BTF3: variants seen among roughly 807,000 people sequenced by gnomAD.
The protein encoded by BTF3 is basic transcription factor 3, also known as transcription factor BTF3.
A neutral mutation model predicts 23.9 loss-of-function variants in BTF3; 12 were observed. The observed-to-expected ratio is 0.50, with a 90% CI of 0.32 to 0.81. The LOEUF (loss-of-function observed/expected upper bound fraction) is 0.81, where lower values mean the gene tolerates loss of function less well. BTF3 is among the 40% of genes least tolerant of loss of function. The pLI, the probability that BTF3 is intolerant of heterozygous loss-of-function variation, is 0.03. For missense variants in BTF3, 215 were observed against 255.9 expected, an observed-to-expected ratio of 0.84 and a Z score of 1.09; for synonymous variants, 96 against 94.8, an observed-to-expected ratio of 1.01 and a Z score of -0.07.
chr5:73,505,265 C>G lies in BTF3; in HGVS notation c.*27C>G, dbSNP rs1746530076. On this transcript the variant is annotated 3_prime_UTR_variant, in exon 6 of 6. Transcript: ENST00000380591. ...TTGAGTCAACTTCTGAAGATAAAAC[C>G]TGAAGAAGTTACTGGGAGCTGCTAT... 3 of 1,600,226 alleles carry G rather than the reference C, an allele frequency of 1.9e-6. No homozygotes were observed. The African/African-American group carries it at 4.0e-5, about 22-fold the overall frequency.
chr5:73,504,267 C>CTTTTTTTTTTTTTCTTTTTTT (rs1746505323), intron 4 of BTF3, 80 bp from the exon 5 acceptor site: 1 of 118,606 alleles, frequency 8.4e-6, no homozygotes, highest in African/African-American at 5.9e-5. Context: ...TTCATCTGTT[C>CTTTTTTTTTTTTTCTTTTTTT]TTTTTTTTTT....
intron 4 of BTF3, among the ~76,000 whole-genome samples, chr5:73,503,542 T>G (rs1362470505): frequency 6.6e-6 from 1 of 152,222 alleles, no homozygotes; most frequent in Non-Finnish European, 1.5e-5. Flanking sequence ...TTAATTACAG[T>G]GTGATAGGGA....
chr5:73,502,388 A>C, intron 2 of BTF3, 100 bp from the exon 3 acceptor site: 1 of 856,086 alleles, frequency 1.2e-6, no homozygotes, highest in South Asian at 2.0e-5. Context: ...GTTCTTATAC[A>C]GATCCAAAGG....
At position 73,503,081 on chromosome 5, in the gene BTF3, A is replaced by G. The variant is rs766190108; in HGVS notation, c.481A>G (p.Ser161Gly). ...CCAGCTTGGTGCGGATAGTCTGACT[A>G]GTTTAAGGAGACTGGCCGAAGCTCT... Reference protein sequence around the residue: ...LNQLGADSLTSLRRLAEALPK... With the variant: ...LNQLGADSLTGLRRLAEALPK... The change falls in exon 4 of 6, where the codon AGT (serine) becomes GGT (glycine). Residue 161 changes from serine to glycine, a missense_variant. Physicochemically the swap from Ser to Gly is moderately conservative, Grantham distance 56. Around this residue, in one of 2 missense-constraint regions of BTF3, gnomAD observed 99 missense variants for 171.2 expected, o/e 0.58. Coordinates refer to ENST00000380591, the MANE Select transcript of BTF3 (RefSeq NM_001037637.2). The G allele has an allele frequency of 1.9e-6, 3 of 1,614,042 alleles. No homozygotes were observed. Among genetic ancestry groups the G allele is most frequent in the South Asian group, 2.2e-5 (2 of 91,084 alleles).
rs1439170245 is a variant in BTF3, at chr5:73,505,659, GT to G, written c.*424del. ...AACAAAGGTGGTATAAAGTTCTCAG[GT>G]TTGAAAACTTTGCTCTCCAACAGTC... On this transcript the variant is annotated 3_prime_UTR_variant, in exon 6 of 6. Coordinates refer to ENST00000380591, the MANE Select transcript of BTF3 (RefSeq NM_001037637.2). 1.9e-5 allele frequency: 3 copies of G among 154,944 alleles called. No individual in the cohort carries two copies. Among genetic ancestry groups the G allele is most frequent in the Non-Finnish European group, 4.3e-5 (3 of 70,162 alleles). The allele number at this position is 154,944 out of a possible 1,614,324, so 9.6% of individuals were successfully genotyped here.
chr5:73,498,569 G>A lies in BTF3; in HGVS notation c.-99G>A. 7.1e-7 allele frequency: 1 copy of A among 1,401,962 alleles called. No homozygotes were observed. Among genetic ancestry groups the A allele is most frequent in the Non-Finnish European group, 9.2e-7 (1 of 1,086,124 alleles). 86.8% of individuals were successfully genotyped at this position (1,401,962 alleles called of 1,614,324 possible). On this transcript the variant is annotated 5_prime_UTR_variant, in exon 1 of 6. Coordinates refer to ENST00000380591, the MANE Select transcript of BTF3 (RefSeq NM_001037637.2). ...ATTCGCTCCGACAAGGTACAAAAAG[G>A]CTCTGGACGGCGGCGTGGTAGGAGG...
At chr5:73,501,281 G>A (rs1321462543) in intron 2 of BTF3, among the ~76,000 whole-genome samples, 1 of 152,208 alleles carries the variant, frequency 6.6e-6, no homozygotes, top group Non-Finnish European at 1.5e-5. Context: ...GGACGGTGAG[G>A]TGGTTGGGTG....
chr5:73,502,168 A>AAC (rs1353512531), intron 2 of BTF3, among the ~76,000 whole-genome samples: 3 of 151,950 alleles, frequency 2.0e-5, no homozygotes, highest in African/African-American at 7.3e-5. Flanking sequence ...CAAAAAAAAA[A>AAC]AAAAAAAAAA....
intron 2 of BTF3, among the ~76,000 whole-genome samples, chr5:73,501,009 C>A (rs3797855): frequency 6.6e-6 from 1 of 151,244 alleles, no homozygotes; most frequent in African/African-American, 2.4e-5. Flanking sequence ...ATGTTGGATC[C>A]TGAGAATATA....
rs1157142488 is a variant in BTF3, at chr5:73,505,415, T to A, written c.*177T>A. 6.0e-5 allele frequency: 31 copies of A among 514,954 alleles called. No homozygotes were observed. The Admixed American group carries it at 1.2e-3, about 19-fold the overall frequency. The allele number at this position is 514,954 out of a possible 1,614,324, so 31.9% of individuals were successfully genotyped here. ...CTTTTCAGTTTTTGCTTATACACAA[T>A]TCATTCTTTGCAGCTAATTAAGCCG... is the stretch of plus-strand genomic sequence containing the variant. On this transcript the variant is annotated 3_prime_UTR_variant, in exon 6 of 6. Transcript: ENST00000380591.
At position 73,504,348 on chromosome 5, in the gene BTF3, T is replaced by C; in HGVS notation, c.519T>C (p.Ser173=). Residue 173 remains serine (S), a splice_region_variant and synonymous_variant, in exon 5 of 6, where the codon TCT becomes TCC. Transcript: ENST00000380591. ...AATGTTTACATTTTCCTTTCATAGC[T>C]GTGGATGGAAAAGCACCACTTGCTA... ...RRLAEALPKQ[S]VDGKAPLATG... is the part of the protein sequence containing the mutation. The C allele has an allele frequency of 6.4e-7, 1 of 1,567,256 alleles. No homozygotes were observed. The highest frequency in any genetic ancestry group is 8.7e-7 in the Non-Finnish European group (1 of 1,156,042).
chr5:73,499,061 C>T (rs1746368972), intron 1 of BTF3, 73 bp from the exon 2 acceptor site: 3 of 1,456,702 alleles, frequency 2.1e-6, no homozygotes, highest in African/African-American at 1.4e-5. Flanking sequence ...CTGCTGGTAT[C>T]TTGGGAAATA....
Position 73,498,676 on chromosome 5 carries a change from G to T in BTF3, c.9G>T (p.Arg3=). Reference sequence around the variant, plus strand: ...AGGAGGAGAGGAAGGCGATGCGACGGACAGGCGCACCCGCTCAGGCTGACT... The same window carrying T: ...AGGAGGAGAGGAAGGCGATGCGACGTACAGGCGCACCCGCTCAGGCTGACT... MR[R]TGAPAQADSR... is the part of the protein sequence containing the mutation. The change falls in exon 1 of 6, where the codon CGG becomes CGT. Residue 3 remains arginine, a synonymous_variant. Transcript: ENST00000380591. 1 of 1,500,874 alleles carries T rather than the reference G, an allele frequency of 6.7e-7. No homozygotes were observed. Among genetic ancestry groups the T allele is most frequent in the Non-Finnish European group, 8.8e-7 (1 of 1,133,774 alleles). 93.0% of individuals were successfully genotyped at this position (1,500,874 alleles called of 1,614,324 possible). A position where few individuals can be genotyped will look rare whatever the true frequency, so the allele number is the denominator to read the frequency against.
intron 5 of BTF3, 74 bp downstream of exon 5, chr5:73,504,477 ACC>A: frequency 7.9e-7 from 1 of 1,272,332 alleles, no homozygotes; most frequent in Non-Finnish European, 1.1e-6. Context: ...AGGAAAAACT[ACC>A]CAGGGAAGAG....
At chr5:73,502,785 A>G in intron 3 of BTF3, 131 bp from the exon 4 acceptor site, 1 of 959,460 alleles carries the variant, frequency 1.0e-6, no homozygotes, top group Non-Finnish European at 1.5e-6. Context: ...TAGAATACAT[A>G]TTCCATTCCA....
At chr5:73,504,289 T>TTTTG in intron 4 of BTF3, 58 bp from the exon 5 acceptor site, 1 of 746,964 alleles carries the variant, frequency 1.3e-6, no homozygotes, top group South Asian at 2.5e-5. Context: ...TTTTTTTTTT[T>TTTTG]TTTGGTGAAT....
At chr5:73,504,869 T>C (rs1746520863) in intron 5 of BTF3, 1 of 240,724 alleles carries the variant, frequency 4.2e-6, no homozygotes, top group Admixed American at 5.5e-5. Flanking sequence ...TCTTCTAAAA[T>C]ATTTATTGGG....
At chr5:73,504,267 C>CTTTTTTTTTTGTTTTTTTTTTTTTTTTTT (rs1746505227) in intron 4 of BTF3, 80 bp from the exon 5 acceptor site, 1 of 118,606 alleles carries the variant, frequency 8.4e-6, no homozygotes, top group Non-Finnish European at 1.6e-5. Flanking sequence ...TTCATCTGTT[C>CTTTTTTTTTTGTTTTTTTTTTTTTTTTTT]TTTTTTTTTT....
intron 1 of BTF3, 28 bp downstream of exon 1, chr5:73,498,827 G>GGGCCGGGCAGGCCCTGGCTAGGCCGA: frequency 6.7e-7 from 1 of 1,503,676 alleles, no homozygotes; most frequent in Non-Finnish European, 8.8e-7. Flanking sequence ...GAGAGTGGCC[G>GGGCCGGGCAGGCCCTGGCTAGGCCGA]GGCCGGGCAG....
Sources: allele counts gnomAD v4.1 joint callset (sites outside exome capture counted in the v4.1 genomes callset), GRCh38; gene constraint gnomAD v4.1.1; regional missense constraint gnomAD v4.1.1; transcripts MANE v1.5; gene names NCBI Gene and HGNC (gene_info 2026-07-23, HGNC 2026-07-21).